Variants in ADAMTS19 observed in about 807,000 individuals in gnomAD.
ADAMTS19 encodes ADAM metallopeptidase with thrombospondin type 1 motif 19, also known as A disintegrin and metalloproteinase with thrombospondin motifs 19.
A neutral mutation model predicts 153.3 loss-of-function variants in ADAMTS19; 93 were observed. That is an observed-to-expected ratio of 0.61 (90% confidence interval 0.51 to 0.72). The LOEUF (loss-of-function observed/expected upper bound fraction) is 0.72, where lower values mean the gene tolerates loss of function less well. Among genes scored for constraint, ADAMTS19 ranks in the 30% least tolerant of loss-of-function variants. The pLI is 0.00. For missense variants in ADAMTS19, 1,482 were observed against 1,552.1 expected, an observed-to-expected ratio of 0.95 and a Z score of 0.76; for synonymous variants, 600 against 556.6, an observed-to-expected ratio of 1.08 and a Z score of -1.10.
At chr5:129,472,550 A>T (rs1368646309) in intron 2 of ADAMTS19, among the ~76,000 whole-genome samples, 4 of 152,210 alleles carry the variant, frequency 2.6e-5, no homozygotes, top group African/African-American at 9.6e-5. Context: ...TATACATGTG[A>T]ACTAGTTGGA....
intron 2 of ADAMTS19, among the ~76,000 whole-genome samples, chr5:129,495,779 A>G (rs541159444): frequency 3.9e-5 from 6 of 152,244 alleles, no homozygotes; most frequent in Admixed American, 2.6e-4. Context: ...ATGGTCATGC[A>G]TGGACATAAT....
chr5:129,722,773 G>A (rs1201466641), intron 21 of ADAMTS19, among the ~76,000 whole-genome samples: 2 of 152,130 alleles, frequency 1.3e-5, no homozygotes, highest in East Asian at 1.9e-4. Flanking sequence ...AATTTCAGGA[G>A]TGAAATTTCC....
chr5:129,705,693 A>G (rs1176830947), intron 21 of ADAMTS19, among the ~76,000 whole-genome samples: 2 of 152,232 alleles, frequency 1.3e-5, no homozygotes, highest in Non-Finnish European at 2.9e-5. Flanking sequence ...TTGAGGCAGC[A>G]CAGAATTCTA....
At chr5:129,628,149 C>G (rs1170688409) in intron 10 of ADAMTS19, among the ~76,000 whole-genome samples, 3 of 151,948 alleles carry the variant, frequency 2.0e-5, no homozygotes, top group African/African-American at 7.2e-5. Context: ...GTGTCTTTTG[C>G]AGGAACATGG....
chr5:129,528,760 T>G, intron 6 of ADAMTS19, 83 bp downstream of exon 6: 1 of 1,131,800 alleles, frequency 8.8e-7, no homozygotes, highest in South Asian at 1.8e-5. Context: ...ATAGATAATG[T>G]TTTTATTTCA....
chr5:129,462,789 A>C (rs1408954154), intron 2 of ADAMTS19, among the ~76,000 whole-genome samples: 5 of 152,228 alleles, frequency 3.3e-5, no homozygotes, highest in Non-Finnish European at 7.3e-5. Context: ...CTCATAAAAT[A>C]TCAAAAATGC....
intron 3 of ADAMTS19, among the ~76,000 whole-genome samples, chr5:129,517,247 T>C (rs913897652): frequency 2.6e-5 from 4 of 151,960 alleles, no homozygotes; most frequent in African/African-American, 4.8e-5. Flanking sequence ...AGGAAAAGAA[T>C]GGTATTCTGC....
At chr5:129,495,180 A>T (rs2126698573) in intron 2 of ADAMTS19, among the ~76,000 whole-genome samples, 1 of 152,220 alleles carries the variant, frequency 6.6e-6, no homozygotes, top group South Asian at 2.1e-4. Flanking sequence ...ATAAAGGATG[A>T]TTAAAGACAA....
chr5:129,670,291 A>G (rs1187127605), intron 16 of ADAMTS19, among the ~76,000 whole-genome samples: 4 of 152,140 alleles, frequency 2.6e-5, no homozygotes, highest in Admixed American at 2.6e-4. Flanking sequence ...TTTGTCTACA[A>G]TATCTAAATC....
intron 6 of ADAMTS19, among the ~76,000 whole-genome samples, chr5:129,544,903 C>G (rs914829553): frequency 6.6e-6 from 1 of 152,116 alleles, no homozygotes; most frequent in Non-Finnish European, 1.5e-5. Context: ...TCTGGGTATT[C>G]ATTACCATGA....
chr5:129,707,269 C>A (rs1050234404), intron 21 of ADAMTS19, among the ~76,000 whole-genome samples: 2 of 152,180 alleles, frequency 1.3e-5, no homozygotes, highest in African/African-American at 4.8e-5. Flanking sequence ...AGATTGTATT[C>A]ATCTTTATTC....
At chr5:129,496,422 G>A (rs144671347) in intron 2 of ADAMTS19, among the ~76,000 whole-genome samples, 1 of 152,114 alleles carries the variant, frequency 6.6e-6, no homozygotes, top group Non-Finnish European at 1.5e-5. Flanking sequence ...GTATTCATTT[G>A]ACCTTTAATT....
At chr5:129,474,240 T>C (rs1489875488) in intron 2 of ADAMTS19, among the ~76,000 whole-genome samples, 1 of 149,012 alleles carries the variant, frequency 6.7e-6, no homozygotes, top group Non-Finnish European at 1.5e-5. Flanking sequence ...TAGTTCATTC[T>C]TTTTTTCTTC....
In ADAMTS19 at chr5:129,597,874, C is replaced by T. The variant is rs1175806201; in HGVS notation, c.1478+1210C>T. 2.0e-5 allele frequency among the ~76,000 whole-genome samples: 3 copies of T among 149,996 alleles called. No homozygotes were observed. The East Asian group carries it at 5.9e-4, about 30-fold the overall frequency. ...CTGAGATTACGCCACTGCACTCCAG[C>T]CTGGTGACAGAGTGAGTCTCTATCT... On this transcript the variant is annotated intron_variant, in intron 8 of 22. Transcript: ENST00000274487.
At chr5:129,584,383 A>T (rs1749679612) in intron 7 of ADAMTS19, among the ~76,000 whole-genome samples, 2 of 152,202 alleles carry the variant, frequency 1.3e-5, no homozygotes, top group South Asian at 4.1e-4. Context: ...TCAGGGACCC[A>T]CTTGAGGAGG....
At chr5:129,720,084 C>A (rs149347791) in intron 21 of ADAMTS19, among the ~76,000 whole-genome samples, 1,999 of 149,832 alleles carry the variant, frequency 0.013, 45 homozygotes, top group African/African-American at 0.046. Context: ...TTCTTTTGAG[C>A]TTTTTGTGCC....
At chr5:129,557,590 C>A (rs1753359654) in intron 7 of ADAMTS19, among the ~76,000 whole-genome samples, 1 of 152,034 alleles carries the variant, frequency 6.6e-6, no homozygotes, top group Non-Finnish European at 1.5e-5. Flanking sequence ...CAGAGTGAGG[C>A]CCTGTCTCAC....
At chr5:129,639,968 T>A (rs1012167845) in intron 10 of ADAMTS19, among the ~76,000 whole-genome samples, 2 of 152,184 alleles carry the variant, frequency 1.3e-5, no homozygotes. Flanking sequence ...TTTCAATAGT[T>A]TAAAATATTA....
chr5:129,592,621 A>C (rs1750194900), intron 7 of ADAMTS19, among the ~76,000 whole-genome samples: 1 of 152,162 alleles, frequency 6.6e-6, no homozygotes, highest in Non-Finnish European at 1.5e-5. Context: ...TTCCAAATCT[A>C]AGAACAATGA....
Sources: gnomAD v4.1 joint callset for allele counts (sites outside exome capture counted in the v4.1 genomes callset) on GRCh38, gnomAD v4.1.1 for gene constraint, MANE v1.5 for transcripts, NCBI Gene and HGNC (gene_info 2026-07-23, HGNC 2026-07-21) for gene names.